Variants in MTMR8 observed in about 807,000 individuals in gnomAD.
MTMR8 encodes phosphatidylinositol-3,5-bisphosphate 3-phosphatase MTMR8.
A neutral mutation model predicts 39.3 loss-of-function variants in MTMR8; 65 were observed. The observed-to-expected ratio is 1.65, with a 90% CI of 1.35 to 2.03. MTMR8 has a LOEUF of 2.03. Among genes scored for constraint, MTMR8 ranks in the 30% most tolerant of loss-of-function variants. The probability of loss-of-function intolerance (pLI) is 0.00; values close to 1 mark genes in which losing one functional copy is unlikely to be tolerated. For missense variants in MTMR8, 777 were observed against 538.9 expected (o/e 1.44, Z -4.37); for synonymous variants, 245 against 185.2 (o/e 1.32, Z -2.62).
At chrX:64,287,118 C>A (rs1219654786) in intron 12 of MTMR8, among the ~76,000 whole-genome samples, 3 of 112,046 alleles carry the variant, frequency 2.7e-5, no homozygotes, top group Non-Finnish European at 3.8e-5. Context: ...AGCAAAATCT[C>A]AGGATACAAA....
At chrX:64,369,185 C>T (rs1924059849) in intron 1 of MTMR8, among the ~76,000 whole-genome samples, 1 of 111,871 alleles carries the variant, frequency 8.9e-6, no homozygotes, top group African/African-American at 3.3e-5. Flanking sequence ...ACTAGTTCAA[C>T]CACTGTGGAA....
chrX:64,344,752 T>A lies in MTMR8; in HGVS notation c.865+293A>T, dbSNP rs1025943808. Reference sequence around the variant, plus strand: ...TTTAATACTTATGCTGGTTTGCCTATCCCTGAAAATCAACCTCTGTATTTC... The same window carrying A: ...TTTAATACTTATGCTGGTTTGCCTAACCCTGAAAATCAACCTCTGTATTTC... On this transcript the variant is annotated intron_variant, in intron 7 of 13. Transcript: ENST00000374852. Among the ~76,000 whole-genome samples, 4 of 111,679 alleles carry A rather than the reference T, an allele frequency of 3.6e-5. No homozygotes were observed. In the East Asian group the frequency reaches 1.1e-3, roughly 31 times the overall value.
At chrX:64,337,008 C>T (rs977627861) in intron 9 of MTMR8, among the ~76,000 whole-genome samples, 2 of 111,496 alleles carry the variant, frequency 1.8e-5, no homozygotes, top group Non-Finnish European at 3.8e-5. Flanking sequence ...GCTCTGCAAA[C>T]TTTTTGAGCT....
chrX:64,363,380 C>T (rs917653426), intron 1 of MTMR8, among the ~76,000 whole-genome samples: 2 of 111,170 alleles, frequency 1.8e-5, no homozygotes, highest in Non-Finnish European at 3.8e-5. Context: ...TTCATGCTGT[C>T]CTCATGATAA....
intron 11 of MTMR8, among the ~76,000 whole-genome samples, chrX:64,330,105 C>T (rs751358458): frequency 8.7e-4 from 97 of 111,821 alleles, no homozygotes; most frequent in Non-Finnish European, 1.5e-3. Context: ...TTTAAGTAAT[C>T]ACTATTTTAA....
chrX:64,384,649 G>C (rs1055320727), intron 1 of MTMR8, among the ~76,000 whole-genome samples: 7 of 112,626 alleles, frequency 6.2e-5, no homozygotes, highest in African/African-American at 2.3e-4. Context: ...TAGAATCCAA[G>C]CTATATCTGG....
intron 1 of MTMR8, among the ~76,000 whole-genome samples, chrX:64,364,109 C>T (rs1194724587): frequency 8.9e-6 from 1 of 112,524 alleles, no homozygotes; most frequent in Non-Finnish European, 1.9e-5. Flanking sequence ...GCAGAGCCCA[C>T]TGCAACTCTG....
At chrX:64,347,594 A>G (rs1923376745) in intron 6 of MTMR8, among the ~76,000 whole-genome samples, 1 of 112,413 alleles carries the variant, frequency 8.9e-6, no homozygotes, top group Admixed American at 9.4e-5. Flanking sequence ...CCAACTGCTC[A>G]ACTCTTAAGT....
intron 10 of MTMR8, among the ~76,000 whole-genome samples, chrX:64,332,461 T>C (rs1361751588): frequency 8.9e-6 from 1 of 111,931 alleles, no homozygotes; most frequent in Non-Finnish European, 1.9e-5. Flanking sequence ...AAATGGAGAA[T>C]GCTGATCATT....
rs1461874561 is a variant in MTMR8 at position 64,337,310 on chromosome X, G to T, written c.1059C>A (p.Ser353Arg). The change falls in exon 9 of 14, where the codon AGC becomes AGA. Residue 353 changes from serine to arginine, a missense_variant. Transcript: ENST00000374852. ...DRTAQVCSVA[S>R]ILLDPFYRTF... is the part of the protein sequence containing the mutation. ...TCCTATAAAATGGATCTAGGAGGAT[G>T]CTAGCCACTGAGCAGACTTGTGCTG... 2 of 1,209,637 alleles carry T rather than the reference G, an allele frequency of 1.7e-6. No individual in the cohort carries two copies. The highest frequency in any genetic ancestry group is 2.2e-6 in the Non-Finnish European group (2 of 893,858).
intron 12 of MTMR8, among the ~76,000 whole-genome samples, chrX:64,275,663 A>G (rs1273170417): frequency 8.2e-5 from 9 of 109,801 alleles, no homozygotes; most frequent in Non-Finnish European, 1.7e-4. Flanking sequence ...AAAAAAAAAA[A>G]AAAAGAAAGA....
At chrX:64,379,291 A>G (rs1241235987) in intron 1 of MTMR8, among the ~76,000 whole-genome samples, 2 of 112,175 alleles carry the variant, frequency 1.8e-5, no homozygotes, top group East Asian at 2.8e-4. Flanking sequence ...GGCTAGCATT[A>G]CCCTAATTCC....
At chrX:64,329,146 G>A (rs1922878596) in intron 11 of MTMR8, among the ~76,000 whole-genome samples, 1 of 111,709 alleles carries the variant, frequency 9.0e-6, no homozygotes, top group Admixed American at 9.5e-5. Flanking sequence ...TGGAGAACAG[G>A]AGATTCTAAG....
chrX:64,269,768 C>G (rs1182652763), intron 13 of MTMR8, among the ~76,000 whole-genome samples: 1 of 111,034 alleles, frequency 9.0e-6, no homozygotes, highest in Non-Finnish European at 1.9e-5. Context: ...TATTTTCTAA[C>G]TTAACACTTA....
chrX:64,373,228 C>A (rs1379295084), intron 1 of MTMR8, among the ~76,000 whole-genome samples: 5 of 111,621 alleles, frequency 4.5e-5, no homozygotes, highest in Non-Finnish European at 9.4e-5. Context: ...AACTCTTAAC[C>A]ATTTGATATG....
chrX:64,380,841 G>A (rs759303997), intron 1 of MTMR8, among the ~76,000 whole-genome samples: 66 of 111,309 alleles, frequency 5.9e-4, no homozygotes, highest in South Asian at 1.2e-3. Flanking sequence ...GACAACATGC[G>A]GTGTTTGGTT....
At chrX:64,320,949 T>A (rs978517276) in intron 12 of MTMR8, among the ~76,000 whole-genome samples, 33 of 111,909 alleles carry the variant, frequency 2.9e-4, no homozygotes, top group African/African-American at 1.0e-3. Context: ...GAAATCACTA[T>A]CTGAGAACTA....
At chrX:64,281,807 G>T (rs1932020681) in intron 12 of MTMR8, among the ~76,000 whole-genome samples, 1 of 109,322 alleles carries the variant, frequency 9.1e-6, no homozygotes, top group African/African-American at 3.4e-5. Flanking sequence ...ATCTGACAAA[G>T]TTCTAATATC....
At chrX:64,316,878 A>T (rs1234546019) in intron 12 of MTMR8, among the ~76,000 whole-genome samples, 2 of 109,967 alleles carry the variant, frequency 1.8e-5, no homozygotes, top group East Asian at 5.8e-4. Flanking sequence ...TGGGAGGTCA[A>T]GGAAGGTGGA....
Sources: gnomAD v4.1 joint callset for allele counts (sites outside exome capture counted in the v4.1 genomes callset) on GRCh38, gnomAD v4.1.1 for gene constraint, MANE v1.5 for transcripts, NCBI Gene and HGNC (gene_info 2026-07-23, HGNC 2026-07-21) for gene names.